The following QTMAN variants were observed in gnomAD, a reference collection of about 807,000 sequenced individuals.
The protein encoded by QTMAN is queuosine-tRNA mannosyltransferase, also known as tRNA-queuosine alpha-mannosyltransferase.
the QTMAN span, among the ~76,000 whole-genome samples, chr2:144,161,677 A>G: frequency 1.3e-5 from 2 of 152,190 alleles, no homozygotes; most frequent in African/African-American, 4.8e-5. Context: ...TAAAAACAGT[A>G]ATCATTATTT....
At chr2:143,985,996 C>A in the QTMAN span, among the ~76,000 whole-genome samples, 4 of 151,872 alleles carry the variant, frequency 2.6e-5, no homozygotes, top group Non-Finnish European at 5.9e-5. Flanking sequence ...TTTATAGTAC[C>A]AGTAAGTATT....
At chr2:144,210,473 G>A in the QTMAN span, among the ~76,000 whole-genome samples, 3 of 152,160 alleles carry the variant, frequency 2.0e-5, no homozygotes, top group African/African-American at 7.2e-5. Context: ...AATAGATGAG[G>A]AAAGTGGATA....
chr2:144,203,364 T>A, the QTMAN span, among the ~76,000 whole-genome samples: 1 of 152,116 alleles, frequency 6.6e-6, no homozygotes, highest in Non-Finnish European at 1.5e-5. Flanking sequence ...TCAGCATGCC[T>A]AAATTAAACA....
At chr2:143,996,308 G>A in the QTMAN span, among the ~76,000 whole-genome samples, 1 of 152,120 alleles carries the variant, frequency 6.6e-6, no homozygotes, top group Non-Finnish European at 1.5e-5. Context: ...AGGCCTGGAA[G>A]TGGCCCACAT....
chr2:144,043,829 C>T, the QTMAN span, among the ~76,000 whole-genome samples: 5 of 152,080 alleles, frequency 3.3e-5, no homozygotes, highest in African/African-American at 1.2e-4. Flanking sequence ...TAAAAAGCCA[C>T]ATTTATGCAG....
At chr2:143,979,655 C>T in the QTMAN span, among the ~76,000 whole-genome samples, 1 of 152,114 alleles carries the variant, frequency 6.6e-6, no homozygotes, top group Admixed American at 6.6e-5. Context: ...ACGAGATCAA[C>T]GTCAGTCATG....
the QTMAN span, among the ~76,000 whole-genome samples, chr2:144,290,423 A>G: frequency 4.6e-5 from 7 of 152,292 alleles, no homozygotes; most frequent in African/African-American, 1.7e-4. Flanking sequence ...TGCCTGGACC[A>G]TTCCACAATC....
At chr2:143,987,130 A>G in the QTMAN span, among the ~76,000 whole-genome samples, 1 of 152,210 alleles carries the variant, frequency 6.6e-6, no homozygotes, top group Non-Finnish European at 1.5e-5. Context: ...AATGGCCTCC[A>G]GTTGTGAGTC....
At chr2:144,311,593 G>A in the QTMAN span, among the ~76,000 whole-genome samples, 122 of 152,312 alleles carry the variant, frequency 8.0e-4, no homozygotes, top group Non-Finnish European at 9.1e-4. Flanking sequence ...CAGTGTGAAT[G>A]AGAATTACTT....
At chr2:144,307,814 C>T in the QTMAN span, among the ~76,000 whole-genome samples, 1 of 152,228 alleles carries the variant, frequency 6.6e-6, no homozygotes, top group South Asian at 2.1e-4. Flanking sequence ...AACTACAAAA[C>T]ATTACTCAGA....
chr2:144,064,175 G>A, the QTMAN span, among the ~76,000 whole-genome samples: 1 of 151,968 alleles, frequency 6.6e-6, no homozygotes, highest in African/African-American at 2.4e-5. Flanking sequence ...TGAACAGGAA[G>A]GCAAGAAAAT....
the QTMAN span, among the ~76,000 whole-genome samples, chr2:144,020,600 GC>G: frequency 6.6e-6 from 1 of 152,158 alleles, no homozygotes. Flanking sequence ...AAACATTCAT[GC>G]CTAGATACTG....
At chr2:144,024,980 T>G in the QTMAN span, among the ~76,000 whole-genome samples, 1 of 152,316 alleles carries the variant, frequency 6.6e-6, no homozygotes, top group African/African-American at 2.4e-5. Flanking sequence ...GATATCCCCA[T>G]CACACGAAAT....
chr2:144,157,201 A>G, the QTMAN span, among the ~76,000 whole-genome samples: 1 of 152,082 alleles, frequency 6.6e-6, no homozygotes, highest in Non-Finnish European at 1.5e-5. Flanking sequence ...CTCTCCACAC[A>G]ACGTAGACAA....
chr2:144,304,262 C>G, the QTMAN span, among the ~76,000 whole-genome samples: 1 of 152,190 alleles, frequency 6.6e-6, no homozygotes, highest in African/African-American at 2.4e-5. Context: ...TTTACCTCCT[C>G]TATTAATTTA....
At chr2:143,977,261 A>G in the QTMAN span, among the ~76,000 whole-genome samples, 1 of 152,208 alleles carries the variant, frequency 6.6e-6, no homozygotes, top group African/African-American at 2.4e-5. Context: ...ACCAAAAAAA[A>G]GGAGCAGTCT....
chr2:144,246,530 G>A, the QTMAN span, among the ~76,000 whole-genome samples: 5 of 135,954 alleles, frequency 3.7e-5, no homozygotes, highest in South Asian at 4.6e-4. Flanking sequence ...CCGAGATTGC[G>A]CCACTGCAGT....
the QTMAN span, chr2:144,178,259 A>T: frequency 1.3e-5 from 2 of 152,274 alleles, no homozygotes; most frequent in African/African-American, 4.8e-5. Flanking sequence ...GATCCGTAAA[A>T]GGAGATTCTT....
At chr2:144,113,048 A>G in the QTMAN span, among the ~76,000 whole-genome samples, 1 of 152,318 alleles carries the variant, frequency 6.6e-6, no homozygotes, top group Non-Finnish European at 1.5e-5. Flanking sequence ...AAGATCCCAA[A>G]TGTCCAGATT....
Sources: gnomAD v4.1 joint callset for allele counts (sites outside exome capture counted in the v4.1 genomes callset) on GRCh38, gnomAD v4.1.1 for gene constraint, MANE v1.5 for transcripts, NCBI Gene and HGNC (gene_info 2026-07-23, HGNC 2026-07-21) for gene names.